Variants in RUNX1 observed in about 807,000 individuals in gnomAD.
The protein encoded by RUNX1 is runt-related transcription factor 1.
A neutral mutation model predicts 42.8 loss-of-function variants in RUNX1; 19 were observed. The observed-to-expected ratio is 0.44, with a 90% confidence interval of 0.31 to 0.65. The LOEUF (loss-of-function observed/expected upper bound fraction) is 0.65. RUNX1 is among the 30% of genes least tolerant of loss of function. The pLI is 0.07. For missense variants in RUNX1, 528 were observed against 672.0 expected, an observed-to-expected ratio of 0.79 and a Z score of 2.37; for synonymous variants, 271 against 289.4, an observed-to-expected ratio of 0.94 and a Z score of 0.64.
rs1201995651 is a variant in RUNX1, at chr21:34,846,194, C to CTTCTTTTTT, written c.614-11594_614-11593insAAAAAAGAA. 6.9e-4 allele frequency among the ~76,000 whole-genome samples: 71 copies of CTTCTTTTTT among 102,268 alleles called. 4 individuals carry two copies. Among genetic ancestry groups the CTTCTTTTTT allele is most frequent in the South Asian group, 1.1e-3 (3 of 2,650 alleles). 67.1% of individuals were successfully genotyped at this position (102,268 alleles called of 152,430 possible). The stretch of plus-strand genomic sequence containing the variant: ...GAGTACTTTGTGGGTTTAAGGATGT[C>CTTCTTTTTT]TTTTTTTTTTTTTTTTTTTTTCAAA... On this transcript the variant is annotated intron_variant, in intron 6 of 8. Coordinates refer to ENST00000675419, the MANE Select transcript of RUNX1 (RefSeq NM_001754.5).
chr21:34,896,495 C>A (rs1056224805), intron 2 of RUNX1, among the ~76,000 whole-genome samples: 1 of 152,154 alleles, frequency 6.6e-6, no homozygotes, highest in Non-Finnish European at 1.5e-5. Context: ...CCAGCCTGAC[C>A]AACATGGTAA....
chr21:35,017,829 C>T (rs1261435160), intron 2 of RUNX1, among the ~76,000 whole-genome samples: 1 of 152,004 alleles, frequency 6.6e-6, no homozygotes, highest in Non-Finnish European at 1.5e-5. Context: ...AGCAGTCCTT[C>T]CAGAGAAAGA....
chr21:34,833,168 A>G (rs770104753), intron 7 of RUNX1: 3 of 152,010 alleles, frequency 2.0e-5, no homozygotes, highest in South Asian at 2.1e-4. Context: ...CAGTGGTGCA[A>G]TCTCGGCTTA....
chr21:34,918,229 C>G (rs1018066740), intron 2 of RUNX1, among the ~76,000 whole-genome samples: 1 of 151,580 alleles, frequency 6.6e-6, no homozygotes, highest in Non-Finnish European at 1.5e-5. Context: ...ATAATCCAAG[C>G]ACCCCAATCC....
chr21:34,792,342 G>GCCGGCC lies in RUNX1; in HGVS notation c.1230_1235dup (p.Ala411_Gly412dup), dbSNP rs2056453065. The GCCGGCC allele has an allele frequency of 6.4e-7, 1 of 1,555,452 alleles. No individual in the cohort carries two copies. Among genetic ancestry groups the GCCGGCC allele is most frequent in the Non-Finnish European group, 8.7e-7 (1 of 1,149,978 alleles). On this transcript the variant is annotated inframe_insertion, in exon 9 of 9. Coordinates refer to ENST00000675419, the MANE Select transcript of RUNX1 (RefSeq NM_001754.5). The surrounding 1 kb of genome is among the most constrained non-coding windows in gnomAD (Gnocchi z 6.9). ...CGCCCACCATGGAGAACTGGTAGGA[G>GCCGGCC]CCGGCCGAGGCGCCGTAGTACAGGT...
chr21:34,913,274 T>C (rs929175031), intron 2 of RUNX1, among the ~76,000 whole-genome samples: 2 of 152,088 alleles, frequency 1.3e-5, no homozygotes, highest in Non-Finnish European at 2.9e-5. Context: ...AGAGAAATAA[T>C]GGCAGGAGAA....
intron 2 of RUNX1, among the ~76,000 whole-genome samples, chr21:34,924,494 G>A (rs746923255): frequency 1.4e-4 from 22 of 152,150 alleles, no homozygotes; most frequent in Admixed American, 7.9e-4. Context: ...TGGTGTGTTG[G>A]TGATGAGAAG....
At chr21:34,933,257 G>A (rs1201135218) in intron 2 of RUNX1, among the ~76,000 whole-genome samples, 2 of 152,216 alleles carry the variant, frequency 1.3e-5, no homozygotes, top group Admixed American at 1.3e-4. Context: ...AGAGCTGTTA[G>A]TGCATGAGTA....
In RUNX1 at chr21:34,883,930, G is replaced by A. The variant is rs117927468; in HGVS notation, c.351+2913C>T. Among the ~76,000 whole-genome samples the A allele has an allele frequency of 1.1e-3, 161 of 152,302 alleles. 2 individuals are homozygous for A. In the East Asian group the frequency reaches 0.023, roughly 22 times the overall value. Reference sequence around the variant, plus strand: ...CATAGCTAGGGACTGTGATCTTGCCGACAAAAATATTACTTATTTCCTTTT... The same window carrying A: ...CATAGCTAGGGACTGTGATCTTGCCAACAAAAATATTACTTATTTCCTTTT... On this transcript the variant is annotated intron_variant, in intron 4 of 8. Transcript: ENST00000675419.
At chr21:35,013,370 T>C (rs2059139045) in intron 2 of RUNX1, among the ~76,000 whole-genome samples, 1 of 152,190 alleles carries the variant, frequency 6.6e-6, no homozygotes, top group Non-Finnish European at 1.5e-5. Flanking sequence ...ATAAATCTAG[T>C]TTATAACTGA....
intron 2 of RUNX1, among the ~76,000 whole-genome samples, chr21:34,995,425 T>C (rs1014092134): frequency 4.0e-5 from 6 of 150,648 alleles, no homozygotes; most frequent in Non-Finnish European, 8.8e-5. Flanking sequence ...AGGCTGTTAC[T>C]TTCTGGGAGC....
At chr21:34,861,054 C>A (rs2057567384) in intron 5 of RUNX1, among the ~76,000 whole-genome samples, 1 of 152,222 alleles carries the variant, frequency 6.6e-6, no homozygotes, top group Non-Finnish European at 1.5e-5. Context: ...TGGGGAGTGA[C>A]TTCCATGGAG....
rs905224944 is a variant in RUNX1 at position 34,792,707 on chromosome 21, G to A, written c.968-97C>T. 3.2e-6 allele frequency: 4 copies of A among 1,235,320 alleles called. No individual in the cohort carries two copies. The highest frequency in any genetic ancestry group is 2.6e-5 in the East Asian group (1 of 38,964). 76.5% of individuals were successfully genotyped at this position (1,235,320 alleles called of 1,614,324 possible). The stretch of plus-strand genomic sequence containing the variant: ...CCAGGGGGCTACCCAGGATGATACC[G>A]CCTAGGAGGATGGGAAGCCACCCAG... On this transcript the variant is annotated intron_variant, in intron 8 of 8. Coordinates refer to ENST00000675419, the MANE Select transcript of RUNX1 (RefSeq NM_001754.5). This position sits in a 1 kb window ranked among gnomAD's most constrained non-coding sequence, Gnocchi z 6.9.
intron 2 of RUNX1, among the ~76,000 whole-genome samples, chr21:34,972,479 C>A (rs1344221568): frequency 6.6e-6 from 1 of 152,056 alleles, no homozygotes; most frequent in Non-Finnish European, 1.5e-5. Flanking sequence ...TGAAAATAAC[C>A]AAAAGCAAAC....
intron 2 of RUNX1, among the ~76,000 whole-genome samples, chr21:35,048,011 C>T (rs950086429): frequency 1.3e-5 from 2 of 152,210 alleles, no homozygotes; most frequent in African/African-American, 4.8e-5. Flanking sequence ...TTGTCCATTT[C>T]AAGAGGCTGG....
chr21:35,026,722 G>C (rs1320937411), intron 2 of RUNX1, among the ~76,000 whole-genome samples: 1 of 152,160 alleles, frequency 6.6e-6, no homozygotes, highest in Non-Finnish European at 1.5e-5. Flanking sequence ...GCAGCAAGGG[G>C]ATCCTTTAGA....
At chr21:34,927,094 A>G (rs1480624949) in intron 2 of RUNX1, among the ~76,000 whole-genome samples, 1 of 152,210 alleles carries the variant, frequency 6.6e-6, no homozygotes, top group Non-Finnish European at 1.5e-5. Flanking sequence ...GAAAAAAAAG[A>G]AAGTGTGAAT....
intron 2 of RUNX1, among the ~76,000 whole-genome samples, chr21:34,981,943 G>C (rs1477605965): frequency 6.6e-6 from 1 of 152,130 alleles, no homozygotes; most frequent in Non-Finnish European, 1.5e-5. Flanking sequence ...GCTGATGCTT[G>C]GCCAAAAGCC....
chr21:34,884,168 A>G (rs1157233821), intron 4 of RUNX1, among the ~76,000 whole-genome samples: 3 of 152,204 alleles, frequency 2.0e-5, no homozygotes, highest in Non-Finnish European at 4.4e-5. Context: ...TAGTAGTAAA[A>G]AACATGTATC....
Sources: gnomAD v4.1 joint callset for allele counts (sites outside exome capture counted in the v4.1 genomes callset) on GRCh38, gnomAD v4.1.1 for gene constraint, Gnocchi (gnomAD v3.1) non-coding constraint, MANE v1.5 for transcripts, NCBI Gene and HGNC (gene_info 2026-07-23, HGNC 2026-07-21) for gene names.